The following DNAH17 variants were observed in gnomAD, a reference collection of about 807,000 sequenced individuals.
DNAH17 encodes the protein dynein axonemal heavy chain 17.
A neutral mutation model predicts 485.6 loss-of-function variants in DNAH17; 376 were observed. That is an observed-to-expected ratio of 0.77 (90% CI 0.71 to 0.84). DNAH17 has a LOEUF of 0.84. Among genes scored for constraint, DNAH17 ranks in the 40% least tolerant of loss-of-function variants. The probability of loss-of-function intolerance (pLI) is 0.00; values close to 1 mark genes in which losing one functional copy is unlikely to be tolerated. For synonymous variants in DNAH17, 3,031 were observed against 2,405.9 expected, an observed-to-expected ratio of 1.26 and a Z score of -7.60; for missense variants, 6,370 against 5,839.3, an observed-to-expected ratio of 1.09 and a Z score of -2.96.
intron 73 of DNAH17, 24 bp downstream of exon 73, chr17:78,439,066 C>T: frequency 6.2e-7 from 1 of 1,609,688 alleles, no homozygotes; most frequent in Non-Finnish European, 8.5e-7. Flanking sequence ...GAGCCCTTAC[C>T]CTGCAGTGCT....
At chr17:78,551,124 C>T (rs2091892234) in intron 16 of DNAH17, among the ~76,000 whole-genome samples, 1 of 152,190 alleles carries the variant, frequency 6.6e-6, no homozygotes, top group African/African-American at 2.4e-5. Context: ...CACATTAGAG[C>T]ATCAGTGACA....
chr17:78,477,370 TTA>T (rs1195485993), intron 51 of DNAH17, among the ~76,000 whole-genome samples: 1 of 145,718 alleles, frequency 6.9e-6, no homozygotes, highest in African/African-American at 2.8e-5. Flanking sequence ...GGCTGATACT[TTA>T]TTTTTTTTTT....
At chr17:78,451,734 A>C in intron 65 of DNAH17, 61 bp from the exon 66 acceptor site, 1 of 1,430,960 alleles carries the variant, frequency 7.0e-7, no homozygotes, top group Non-Finnish European at 9.4e-7. Flanking sequence ...GAGGAACACA[A>C]GTACAGACCA....
At chr17:78,430,927 C>G (rs933000896) in intron 75 of DNAH17, among the ~76,000 whole-genome samples, 5 of 152,090 alleles carry the variant, frequency 3.3e-5, no homozygotes, top group African/African-American at 1.2e-4. Context: ...ATGTCCCAGG[C>G]TGGAGTGCAG....
chr17:78,437,779 G>A lies in DNAH17; in HGVS notation c.11895C>T (p.Phe3965=), dbSNP rs1568049589. The change falls in exon 74 of 81, where the codon TTC becomes TTT. Residue 3965 remains phenylalanine, a synonymous_variant. Coordinates refer to ENST00000389840, the MANE Select transcript of DNAH17 (RefSeq NM_173628.4). ...STGSHEDYRV[F]ISAEPAPSPE... ...GGCTGGGGGCAGGCTCCGCGCTGAT[G>A]AACACCCGGTAGTCCTCATGGCTGC... 2.5e-6 allele frequency: 4 copies of A among 1,612,618 alleles called. No homozygotes were observed. The South Asian group carries it at 3.3e-5, about 13-fold the overall frequency.
At chr17:78,490,430 C>A (rs1238368350) in intron 44 of DNAH17, among the ~76,000 whole-genome samples, 2 of 152,204 alleles carry the variant, frequency 1.3e-5, no homozygotes, top group East Asian at 3.8e-4. Context: ...TCCACAGAGG[C>A]CAAGACCTCC....
chr17:78,519,020 T>C (rs2090863513), intron 25 of DNAH17, among the ~76,000 whole-genome samples: 1 of 151,458 alleles, frequency 6.6e-6, no homozygotes, highest in Non-Finnish European at 1.5e-5. Flanking sequence ...TACAAAAAAT[T>C]AGCCGGGCGT....
intron 62 of DNAH17, 104 bp from the exon 63 acceptor site, chr17:78,455,940 C>T: frequency 1.0e-6 from 1 of 967,876 alleles, no homozygotes; most frequent in Non-Finnish European, 1.4e-6. Flanking sequence ...AGTTTCCCGT[C>T]TGCACCTGGC....
chr17:78,557,614 G>A (rs550112402), intron 14 of DNAH17, among the ~76,000 whole-genome samples: 3 of 132,984 alleles, frequency 2.3e-5, no homozygotes, highest in Non-Finnish European at 4.6e-5. Context: ...ACTCCAGCCT[G>A]GGTGACAGAG....
rs376165977 is a variant in DNAH17, at chr17:78,574,959, G to C, written c.99C>G (p.Ala33=). The C allele has an allele frequency of 4.3e-6, 7 of 1,613,996 alleles. No homozygotes were observed. In the South Asian group the frequency reaches 7.7e-5, roughly 18 times the overall value. ...KPDKWSKLIG[A]EENVALFTEF... ...CTGTGAACAGGGCCACGTTCTCCTC[G>C]GCGCCTATCAGCTTGCTCCACTTGT... The change falls in exon 2 of 81, where the codon GCC becomes GCG. Residue 33 remains alanine, a synonymous_variant. Coordinates refer to ENST00000389840, the MANE Select transcript of DNAH17 (RefSeq NM_173628.4).
chr17:78,503,155 T>C (rs2090359296), intron 31 of DNAH17, 144 bp from the exon 32 acceptor site: 1 of 586,882 alleles, frequency 1.7e-6, no homozygotes. Flanking sequence ...TACAGAGCAG[T>C]AACAGTGACA....
rs1568133665 is a variant in DNAH17, at chr17:78,485,991, G to A, written c.7244C>T (p.Ser2415Phe). The change falls in exon 46 of 81, where the codon TCC (serine) becomes TTC (phenylalanine). Residue 2415 changes from serine to phenylalanine, a missense_variant. Ser to Phe is a radical substitution (Grantham distance 155). Transcript: ENST00000389840. ...KFLPWTDKVP[S>F]FELDPDVPLQ... is the part of the protein sequence containing the mutation. ...TGGGACATCGGGATCCAGCTCAAAG[G>A]AGGGCACTTTATCTGTCCAGGGCAG... 1.9e-6 allele frequency: 3 copies of A among 1,613,544 alleles called. No individual in the cohort carries two copies. The highest frequency in any genetic ancestry group is 2.5e-6 in the Non-Finnish European group (3 of 1,179,870).
In DNAH17 at chr17:78,449,717, G is replaced by A. The variant is rs113673567; in HGVS notation, c.11041-133C>T. ...CTTTGAGACAGAGTCTTGCTCTGTC[G>A]CCCAGGCTGGAGTGCAGTGGCGTGA... On this transcript the variant is annotated intron_variant, in intron 68 of 80. Transcript: ENST00000389840. 5,345 of 931,874 alleles carry A rather than the reference G, an allele frequency of 5.7e-3. 192 individuals are homozygous for A. The African/African-American group carries it at 0.073, about 13-fold the overall frequency. The allele number at this position is 931,874 out of a possible 1,614,324, so 57.7% of individuals were successfully genotyped here. A position where few individuals can be genotyped will look rare whatever the true frequency, so the allele number is the denominator to read the frequency against.
intron 62 of DNAH17, among the ~76,000 whole-genome samples, chr17:78,456,099 T>C (rs8071287): frequency 1.3e-5 from 2 of 151,970 alleles, no homozygotes; most frequent in Non-Finnish European, 2.9e-5. Flanking sequence ...AGGGGGTCGA[T>C]ACCAGCCTGG....
intron 2 of DNAH17, 143 bp downstream of exon 2, chr17:78,574,569 GC>G: frequency 2.9e-6 from 2 of 694,592 alleles, no homozygotes; most frequent in Non-Finnish European, 4.7e-6. Context: ...GGTGGACGGG[GC>G]CCGAGCGCCT....
intron 36 of DNAH17, 146 bp from the exon 37 acceptor site, chr17:78,499,258 A>T: frequency 3.6e-6 from 2 of 552,044 alleles, no homozygotes; most frequent in East Asian, 3.3e-5. Context: ...TCCGCAGGCC[A>T]GCAGGCAGGT....
chr17:78,462,158 C>T (rs692284), intron 57 of DNAH17, among the ~76,000 whole-genome samples: 101,129 of 151,124 alleles, frequency 0.67, 35,888 homozygotes, highest in East Asian at 0.83. Flanking sequence ...GATGACAGAG[C>T]GAGACTCTGT....
At chr17:78,454,214 G>A (rs751848838) in intron 64 of DNAH17, among the ~76,000 whole-genome samples, 31 of 152,326 alleles carry the variant, frequency 2.0e-4, no homozygotes, top group Non-Finnish European at 3.4e-4. Context: ...ATGGCCAAGC[G>A]GGAGGCAACC....
intron 16 of DNAH17, among the ~76,000 whole-genome samples, chr17:78,548,705 C>A (rs552524872): frequency 6.6e-6 from 1 of 152,266 alleles, no homozygotes. Context: ...AAACTCCAAA[C>A]AGGAATTGTT....
Sources: gnomAD v4.1 joint callset for allele counts (sites outside exome capture counted in the v4.1 genomes callset) on GRCh38, gnomAD v4.1.1 for gene constraint, MANE v1.5 for transcripts, NCBI Gene and HGNC (gene_info 2026-07-23, HGNC 2026-07-21) for gene names.